Variants in AUTS2 observed in about 807,000 individuals in gnomAD.
AUTS2 encodes the protein autism susceptibility gene 2 protein.
In AUTS2, 17 loss-of-function variants were observed where a neutral mutation model predicts 112.4. The ratio of observed to expected loss-of-function variants is 0.15; its 90% CI spans 0.10 to 0.23. The LOEUF is 0.23. AUTS2 is among the 10% of genes least tolerant of loss of function. AUTS2 has a pLI of 1.00. For synonymous variants in AUTS2, 751 were observed against 702.7 expected (o/e 1.07, Z -1.09); for missense variants, 1,510 against 1,701.6 (o/e 0.89, Z 1.98).
chr7:69,919,040 T>C (rs1285037168), intron 2 of AUTS2, among the ~76,000 whole-genome samples: 1 of 152,218 alleles, frequency 6.6e-6, no homozygotes, highest in Non-Finnish European at 1.5e-5. Flanking sequence ...GGAATACTTT[T>C]CTCTTAAATT....
At chr7:70,023,520 A>G (rs1192101629) in intron 2 of AUTS2, among the ~76,000 whole-genome samples, 3 of 152,128 alleles carry the variant, frequency 2.0e-5, no homozygotes, top group Non-Finnish European at 2.9e-5. Context: ...AAGTTTTTCA[A>G]CTTTCCTATG....
rs147079090 is a variant in AUTS2 at position 70,659,834 on chromosome 7, A to T, written c.691-38735A>T. Among the ~76,000 whole-genome samples the T allele has an allele frequency of 8.1e-3, 1,235 of 152,282 alleles. 4 individuals carry two copies. The highest frequency in any genetic ancestry group is 0.027 in the Middle Eastern group (8 of 294). On this transcript the variant is annotated intron_variant, in intron 5 of 18. Transcript: ENST00000342771. ...AAGGGGAAGGGTGGCAAGTGGCAGGAGAGAGTGCATGCACATAAAGGGCAC... is the reference window on the plus strand; with the variant it reads ...AAGGGGAAGGGTGGCAAGTGGCAGGTGAGAGTGCATGCACATAAAGGGCAC...
intron 4 of AUTS2, among the ~76,000 whole-genome samples, chr7:70,223,852 G>GT (rs34236397): frequency 0.23 from 30,549 of 131,718 alleles, 3,316 homozygotes; most frequent in Middle Eastern, 0.33. Flanking sequence ...TTGTATCTTT[G>GT]TTTTTTTTTT....
chr7:69,925,181 C>T (rs1180030738), intron 2 of AUTS2, among the ~76,000 whole-genome samples: 2 of 152,098 alleles, frequency 1.3e-5, no homozygotes, highest in African/African-American at 2.4e-5. Context: ...ATCAGTATGA[C>T]TGGGAGTTTA....
At chr7:69,830,381 A>G (rs1158014691) in intron 1 of AUTS2, among the ~76,000 whole-genome samples, 3 of 152,344 alleles carry the variant, frequency 2.0e-5, no homozygotes, top group South Asian at 2.1e-4. Context: ...CATTCTGCAC[A>G]TGTATCCTGG....
intron 5 of AUTS2, among the ~76,000 whole-genome samples, chr7:70,452,578 C>A (rs535264268): frequency 6.6e-6 from 1 of 152,294 alleles, no homozygotes; most frequent in African/African-American, 2.4e-5. Context: ...AAAACCATAA[C>A]ACACATTAGC....
At chr7:70,009,881 T>C (rs1799719050) in intron 2 of AUTS2, among the ~76,000 whole-genome samples, 1 of 152,224 alleles carries the variant, frequency 6.6e-6, no homozygotes, top group African/African-American at 2.4e-5. Flanking sequence ...AGTTCCATCC[T>C]TTCTTTTTTT....
intron 5 of AUTS2, among the ~76,000 whole-genome samples, chr7:70,516,454 A>G (rs1042903524): frequency 6.6e-6 from 1 of 152,204 alleles, no homozygotes; most frequent in African/African-American, 2.4e-5. Context: ...GGATAAGAGA[A>G]AGACATTAGA....
At chr7:70,044,285 A>G (rs6970670) in intron 2 of AUTS2, among the ~76,000 whole-genome samples, 38,441 of 152,120 alleles carry the variant, frequency 0.25, 4,843 homozygotes, top group Middle Eastern at 0.34. Flanking sequence ...GAATTTTATT[A>G]CAGTGTTTAT....
intron 4 of AUTS2, among the ~76,000 whole-genome samples, chr7:70,344,240 C>G (rs1791397104): frequency 6.6e-6 from 1 of 151,972 alleles, no homozygotes; most frequent in Non-Finnish European, 1.5e-5. Context: ...GCAGACATGG[C>G]AGAATAGAAA....
At chr7:70,491,627 T>TGTGTGTGTGTGTA (rs1562990316) in intron 5 of AUTS2, among the ~76,000 whole-genome samples, 1 of 134,170 alleles carries the variant, frequency 7.5e-6, no homozygotes, top group African/African-American at 2.9e-5. Flanking sequence ...GTGTGTGTAT[T>TGTGTGTGTGTGTA]TTTTTGAGAC....
intron 4 of AUTS2, among the ~76,000 whole-genome samples, chr7:70,370,756 T>G (rs1304681205): frequency 6.6e-6 from 1 of 152,188 alleles, no homozygotes; most frequent in East Asian, 1.9e-4. Context: ...TGCCAGACCA[T>G]TTGCTACAGT....
intron 2 of AUTS2, among the ~76,000 whole-genome samples, chr7:70,044,932 GTTT>G (rs35251988): frequency 6.8e-6 from 1 of 146,628 alleles, no homozygotes; most frequent in African/African-American, 2.5e-5. Flanking sequence ...CCCATAGCAT[GTTT>G]TTTTTTTTTT....
intron 2 of AUTS2, among the ~76,000 whole-genome samples, chr7:69,943,654 G>GAA (rs1235713511): frequency 1.3e-5 from 2 of 152,084 alleles, no homozygotes; most frequent in African/African-American, 4.8e-5. Context: ...TAACTTCACT[G>GAA]AAAACATCTT....
At chr7:70,526,583 A>G (rs1233297674) in intron 5 of AUTS2, among the ~76,000 whole-genome samples, 2 of 152,140 alleles carry the variant, frequency 1.3e-5, no homozygotes, top group African/African-American at 4.8e-5. Flanking sequence ...GAGACACGAG[A>G]TTCACTTGTC....
At chr7:70,056,470 AC>A (rs1305956066) in intron 2 of AUTS2, among the ~76,000 whole-genome samples, 1 of 152,076 alleles carries the variant, frequency 6.6e-6, no homozygotes, top group Non-Finnish European at 1.5e-5. Flanking sequence ...CCCTGTCTCC[AC>A]CACTGGGATG....
At chr7:70,166,968 A>G (rs1403866532) in intron 4 of AUTS2, among the ~76,000 whole-genome samples, 1 of 152,212 alleles carries the variant, frequency 6.6e-6, no homozygotes, top group Non-Finnish European at 1.5e-5. Context: ...GTCTGGGCTT[A>G]TGCTTATAAT....
chr7:70,467,604 C>G (rs1271862185), intron 5 of AUTS2, among the ~76,000 whole-genome samples: 2 of 152,204 alleles, frequency 1.3e-5, no homozygotes, highest in African/African-American at 4.8e-5. Context: ...GGGGAAGTTT[C>G]TTGTATTATA....
chr7:69,881,282 T>C (rs1794031268), intron 1 of AUTS2, among the ~76,000 whole-genome samples: 1 of 152,154 alleles, frequency 6.6e-6, no homozygotes, highest in South Asian at 2.1e-4. Flanking sequence ...CCTCTCCTTT[T>C]TCCCCGTCTT....
Sources: allele counts gnomAD v4.1 joint callset (sites outside exome capture counted in the v4.1 genomes callset), GRCh38; gene constraint gnomAD v4.1.1; transcripts MANE v1.5; gene names NCBI Gene and HGNC (gene_info 2026-07-23, HGNC 2026-07-21).